The following OPHN1 variants were observed in gnomAD, a reference collection of about 807,000 sequenced individuals.
OPHN1 encodes oligophrenin-1.
Under a neutral mutation model 60.7 loss-of-function variants are expected in OPHN1, and 11 were observed. That is an observed-to-expected ratio of 0.18 (90% confidence interval 0.11 to 0.30). The LOEUF is 0.30. Ranked by LOEUF, OPHN1 falls within the 10% of genes least tolerant of loss-of-function variation. The probability of loss-of-function intolerance (pLI) is 1.00; values close to 1 mark genes in which losing one functional copy is unlikely to be tolerated. For synonymous variants in OPHN1, 226 were observed against 222.6 expected, an observed-to-expected ratio of 1.02 and a Z score of -0.14; for missense variants, 449 against 611.0, an observed-to-expected ratio of 0.73 and a Z score of 2.80.
At chrX:68,341,968 G>GT (rs1173542561) in intron 2 of OPHN1, among the ~76,000 whole-genome samples, 2,887 of 84,891 alleles carry the variant, frequency 0.034, 125 homozygotes, top group African/African-American at 0.081. Flanking sequence ...AATTTTTGGT[G>GT]TTTTTTTTTT....
chrX:68,097,920 C>T (rs1339319674), intron 18 of OPHN1, among the ~76,000 whole-genome samples: 1 of 111,096 alleles, frequency 9.0e-6, no homozygotes, highest in East Asian at 2.8e-4. Context: ...TAAATTGCTT[C>T]AGCATGGTAC....
At chrX:68,270,516 A>G (rs2077962042) in intron 5 of OPHN1, among the ~76,000 whole-genome samples, 1 of 100,216 alleles carries the variant, frequency 1.0e-5, no homozygotes, top group Non-Finnish European at 2.0e-5. Context: ...ACATGTTCTC[A>G]CTCATAGGTG....
chrX:68,225,064 A>G (rs2077683521), intron 6 of OPHN1, among the ~76,000 whole-genome samples: 1 of 112,318 alleles, frequency 8.9e-6, no homozygotes, highest in Non-Finnish European at 1.9e-5. Context: ...ATGGCACACC[A>G]GGAGATTATA....
At chrX:68,296,378 C>T (rs1429062402) in intron 3 of OPHN1, among the ~76,000 whole-genome samples, 1 of 111,329 alleles carries the variant, frequency 9.0e-6, no homozygotes, top group Non-Finnish European at 1.9e-5. Flanking sequence ...GCAAAAAGGC[C>T]GGGCACTATG....
intron 2 of OPHN1, among the ~76,000 whole-genome samples, chrX:68,362,703 A>G (rs770846100): frequency 3.6e-5 from 4 of 111,040 alleles, no homozygotes; most frequent in South Asian, 7.6e-4. Flanking sequence ...ATTCTGTATG[A>G]TACTGTAATG....
chrX:68,330,503 T>C (rs2078289183), intron 2 of OPHN1, among the ~76,000 whole-genome samples: 2 of 111,364 alleles, frequency 1.8e-5, no homozygotes, highest in African/African-American at 6.5e-5. Flanking sequence ...CTAGTGAGTA[T>C]TATAAGTTAA....
intron 15 of OPHN1, among the ~76,000 whole-genome samples, chrX:68,162,342 TA>T (rs1414407464): frequency 9.1e-6 from 1 of 110,146 alleles, no homozygotes; most frequent in African/African-American, 3.3e-5. Context: ...TTATACCTTA[TA>T]TATGTTATTT....
chrX:68,079,973 T>A (rs1700120856), intron 19 of OPHN1, among the ~76,000 whole-genome samples: 1 of 111,491 alleles, frequency 9.0e-6, no homozygotes, highest in African/African-American at 3.3e-5. Context: ...TCTCATCATG[T>A]CTCTCTATGA....
At chrX:68,428,828 G>T (rs1286260639) in intron 2 of OPHN1, among the ~76,000 whole-genome samples, 2 of 111,577 alleles carry the variant, frequency 1.8e-5, no homozygotes, top group Non-Finnish European at 3.8e-5. Context: ...ACCTTTCAGA[G>T]GGATGGTATT....
intron 2 of OPHN1, among the ~76,000 whole-genome samples, chrX:68,383,439 A>G (rs1179920409): frequency 1.9e-5 from 2 of 107,798 alleles, no homozygotes; most frequent in Non-Finnish European, 3.8e-5. Flanking sequence ...TAAAAATACA[A>G]TAAGAAAATT....
At chrX:68,232,352 G>C (rs1178788204) in intron 6 of OPHN1, among the ~76,000 whole-genome samples, 1 of 111,401 alleles carries the variant, frequency 9.0e-6, no homozygotes, top group African/African-American at 3.3e-5. Context: ...AAAGAGAAAA[G>C]GTGCCTGGGG....
chrX:68,431,087 A>C (rs1358797989), intron 2 of OPHN1, among the ~76,000 whole-genome samples: 2 of 111,485 alleles, frequency 1.8e-5, no homozygotes, highest in African/African-American at 6.5e-5. Flanking sequence ...ACTGTAATAT[A>C]TAAACAAAAC....
At chrX:68,119,760 G>T (rs765149463) in intron 15 of OPHN1, among the ~76,000 whole-genome samples, 1 of 111,106 alleles carries the variant, frequency 9.0e-6, no homozygotes, top group Non-Finnish European at 1.9e-5. Flanking sequence ...TAATATGCTC[G>T]GATTTGAGAG....
At chrX:68,217,676 C>T (rs2077621140) in intron 6 of OPHN1, among the ~76,000 whole-genome samples, 2 of 110,796 alleles carry the variant, frequency 1.8e-5, no homozygotes, top group Admixed American at 9.6e-5. Context: ...CATACTGACA[C>T]CTCACACGGC....
intron 2 of OPHN1, among the ~76,000 whole-genome samples, chrX:68,362,074 C>T (rs997410494): frequency 1.8e-5 from 2 of 111,900 alleles, no homozygotes; most frequent in African/African-American, 6.5e-5. Context: ...TTATTCATTT[C>T]CTTACTATTC....
intron 14 of OPHN1, among the ~76,000 whole-genome samples, chrX:68,193,531 G>A (rs1602226155): frequency 8.9e-6 from 1 of 111,942 alleles, no homozygotes; most frequent in African/African-American, 3.2e-5. Flanking sequence ...GAAGAATGCT[G>A]ATTCCACATC....
Position 68,358,401 on chromosome X carries a change from G to A in OPHN1, c.155-59305C>T, listed in dbSNP as rs180858509. 7.2e-5 allele frequency among the ~76,000 whole-genome samples: 8 copies of A among 111,594 alleles called. No homozygotes were observed. In the East Asian group the frequency reaches 2.0e-3, roughly 28 times the overall value. On this transcript the variant is annotated intron_variant, in intron 2 of 24. Transcript: ENST00000355520. ...TTATAAGTCATTGTACACAGGGACT[G>A]TCTACCTTGGGAGGTCATGTGCTCG...
intron 5 of OPHN1, among the ~76,000 whole-genome samples, chrX:68,250,519 C>T (rs983675366): frequency 9.0e-6 from 1 of 111,383 alleles, no homozygotes; most frequent in East Asian, 2.8e-4. Context: ...TGGCTAAAGG[C>T]GTGGACTCTG....
chrX:68,408,228 A>T (rs1249665683), intron 2 of OPHN1, among the ~76,000 whole-genome samples: 1 of 112,648 alleles, frequency 8.9e-6, no homozygotes, highest in Non-Finnish European at 1.9e-5. Flanking sequence ...TCTACATAAA[A>T]TAGACACAAA....
Sources: gnomAD v4.1 joint callset for allele counts (sites outside exome capture counted in the v4.1 genomes callset) on GRCh38, gnomAD v4.1.1 for gene constraint, MANE v1.5 for transcripts, NCBI Gene and HGNC (gene_info 2026-07-23, HGNC 2026-07-21) for gene names.